The following PSPH variants were observed in gnomAD, a reference collection of about 807,000 sequenced individuals.
The protein encoded by PSPH is phosphoserine phosphatase.
Under a neutral mutation model 23.4 loss-of-function variants are expected in PSPH, and 16 were observed. The ratio of observed to expected loss-of-function variants is 0.68; its 90% CI spans 0.46 to 1.04. The LOEUF (loss-of-function observed/expected upper bound fraction) is 1.04. Among genes scored for constraint, PSPH ranks in the 50% least tolerant of loss-of-function variants. PSPH has a pLI of 0.00. For synonymous variants in PSPH, 68 were observed against 99.7 expected (o/e 0.68, Z 1.89); for missense variants, 223 against 273.7 (o/e 0.81, Z 1.31).
intron 3 of PSPH, among the ~76,000 whole-genome samples, chr7:56,024,811 T>G (rs1334333711): frequency 6.7e-6 from 1 of 150,072 alleles, no homozygotes; most frequent in African/African-American, 2.4e-5. Flanking sequence ...AATCTTTTTT[T>G]TTTTTTTTTT....
rs577819018 is a variant in PSPH, at chr7:56,034,438, G to C, written c.-291-332C>G. Among the ~76,000 whole-genome samples, 1,063 of 152,318 alleles carry C rather than the reference G, an allele frequency of 7.0e-3. 3 individuals are homozygous for C. Among genetic ancestry groups the C allele is most frequent in the Non-Finnish European group, 0.011 (758 of 68,024 alleles). ...TTTAGCAATTAGTGAAATCTCCGTC[G>C]GGGGGCCTCTTTTGAAATCCACGTT... is the stretch of plus-strand genomic sequence containing the variant. On this transcript the variant is annotated intron_variant, in intron 1 of 7. Transcript: ENST00000275605.
chr7:56,033,085 C>T (rs181590559), intron 2 of PSPH: 2 of 152,218 alleles, frequency 1.3e-5, no homozygotes, highest in Admixed American at 1.3e-4. Flanking sequence ...ATATTGAAAA[C>T]CTACCCGGCA....
chr7:56,048,814 T>C (rs1411279120), intron 1 of PSPH, among the ~76,000 whole-genome samples: 3 of 145,226 alleles, frequency 2.1e-5, no homozygotes, highest in Middle Eastern at 3.5e-3. Flanking sequence ...TTTTTTTTGC[T>C]TTAAGTTCAG....
intron 3 of PSPH, among the ~76,000 whole-genome samples, chr7:56,024,792 C>T (rs1584427208): frequency 7.0e-6 from 1 of 142,196 alleles, no homozygotes. Flanking sequence ...ATTTCAGTGT[C>T]TATTAATAAA....
chr7:56,038,357 G>A (rs1445334642), intron 1 of PSPH, among the ~76,000 whole-genome samples: 1 of 151,892 alleles, frequency 6.6e-6, no homozygotes, highest in Admixed American at 6.6e-5. Context: ...TACTTGGGAG[G>A]CTGAGGGAGG....
chr7:56,044,447 A>G (rs1425983585), intron 1 of PSPH, among the ~76,000 whole-genome samples: 1 of 152,162 alleles, frequency 6.6e-6, no homozygotes, highest in Non-Finnish European at 1.5e-5. Flanking sequence ...GATGCAATAG[A>G]AAAATTAGGA....
At chr7:56,037,722 T>C (rs1791916598) in intron 1 of PSPH, among the ~76,000 whole-genome samples, 1 of 148,746 alleles carries the variant, frequency 6.7e-6, no homozygotes, top group Non-Finnish European at 1.5e-5. Flanking sequence ...TTTTTTTTTT[T>C]TTTTTTTTGA....
intron 1 of PSPH, among the ~76,000 whole-genome samples, chr7:56,046,348 G>C (rs1451018463): frequency 5.9e-5 from 9 of 151,978 alleles, no homozygotes; most frequent in Non-Finnish European, 1.2e-4. Flanking sequence ...ATGATGGTCA[G>C]GCTGGTCTCG....
At chr7:56,040,270 G>A (rs372790085) in intron 1 of PSPH, among the ~76,000 whole-genome samples, 64 of 152,058 alleles carry the variant, frequency 4.2e-4, no homozygotes, top group African/African-American at 1.5e-3. Flanking sequence ...CGTATATATC[G>A]TTTGAGCCAT....
chr7:56,048,617 C>G (rs1317344052), intron 1 of PSPH, among the ~76,000 whole-genome samples: 1 of 151,892 alleles, frequency 6.6e-6, no homozygotes, highest in Non-Finnish European at 1.5e-5. Context: ...TATGGGAATT[C>G]TTCTTACTGT....
At chr7:56,026,537 C>T (rs892931660) in intron 3 of PSPH, among the ~76,000 whole-genome samples, 2 of 146,254 alleles carry the variant, frequency 1.4e-5, no homozygotes, top group African/African-American at 5.0e-5. Flanking sequence ...AGCATGGTGG[C>T]TGATGCCTGT....
rs372712198 is a variant in PSPH, at chr7:56,013,156, T to C, written c.571-1287A>G. ...ATATATACGTATATGTGTATGTGTA[T>C]ACACACACACACACACACACACACA... On this transcript the variant is annotated intron_variant, in intron 7 of 7. Transcript: ENST00000275605. Among the ~76,000 whole-genome samples the C allele has an allele frequency of 6.5e-4, 93 of 142,174 alleles. 1 individual carries two copies. The highest frequency in any genetic ancestry group is 1.9e-3 in the African/African-American group (73 of 38,418). The allele number at this position is 142,174 out of a possible 152,430, so 93.3% of individuals were successfully genotyped here.
intron 6 of PSPH, among the ~76,000 whole-genome samples, chr7:56,016,996 T>C (rs1788644890): frequency 6.6e-6 from 1 of 152,164 alleles, no homozygotes. Flanking sequence ...TTTCACGAAA[T>C]GCAGACATTT....
chr7:56,018,033 T>C (rs1788813796), intron 5 of PSPH, among the ~76,000 whole-genome samples: 1 of 151,812 alleles, frequency 6.6e-6, no homozygotes, highest in Admixed American at 6.6e-5. Context: ...TTATATGTTT[T>C]TCTAAATGCA....
chr7:56,032,638 T>C (rs1020589660), intron 2 of PSPH, among the ~76,000 whole-genome samples: 7 of 118,822 alleles, frequency 5.9e-5, no homozygotes, highest in Admixed American at 1.0e-4. Flanking sequence ...TCAGCCTGGG[T>C]GACAGAGCGA....
At chr7:56,048,691 G>A (rs1295185891) in intron 1 of PSPH, among the ~76,000 whole-genome samples, 1 of 151,950 alleles carries the variant, frequency 6.6e-6, no homozygotes. Flanking sequence ...TGGGAGTGCA[G>A]TGCTGTGATT....
At chr7:56,018,553 C>T (rs991528929) in intron 5 of PSPH, among the ~76,000 whole-genome samples, 4 of 152,056 alleles carry the variant, frequency 2.6e-5, no homozygotes, top group Non-Finnish European at 5.9e-5. Flanking sequence ...GCCAAAAGCA[C>T]CACACAGGCC....
intron 1 of PSPH, among the ~76,000 whole-genome samples, chr7:56,048,795 C>CT (rs548240200): frequency 0.36 from 47,239 of 130,778 alleles, 8,292 homozygotes; most frequent in Non-Finnish European, 0.39. Context: ...CCACACCTGG[C>CT]TTTTTTTTTT....
rs1787872500 is a variant in PSPH at position 56,011,102 on chromosome 7, A to G, written c.*660T>C. ...ATAAACTTTTATTGACATACCAAAG[A>G]GAAACCAATATTCACTGAAGGCTGC... is the stretch of plus-strand genomic sequence containing the variant. On this transcript the variant is annotated 3_prime_UTR_variant, in exon 8 of 8. Coordinates refer to ENST00000275605, the MANE Select transcript of PSPH (RefSeq NM_004577.4). 6.6e-6 allele frequency: 1 copy of G among 150,568 alleles called. No homozygotes were observed. Among genetic ancestry groups the G allele is most frequent in the African/African-American group, 2.5e-5 (1 of 39,538 alleles). The allele number at this position is 150,568 out of a possible 1,614,324, so 9.3% of individuals were successfully genotyped here.
Sources: gnomAD v4.1 joint callset for allele counts (sites outside exome capture counted in the v4.1 genomes callset) on GRCh38, gnomAD v4.1.1 for gene constraint, MANE v1.5 for transcripts, NCBI Gene and HGNC (gene_info 2026-07-23, HGNC 2026-07-21) for gene names.